Variants in ARHGEF3 observed in about 807,000 individuals in gnomAD.
ARHGEF3 encodes Rho guanine nucleotide exchange factor 3.
A neutral mutation model predicts 63.2 loss-of-function variants in ARHGEF3; 28 were observed. The ratio of observed to expected loss-of-function variants is 0.44; its 90% CI spans 0.33 to 0.61. ARHGEF3 has a LOEUF of 0.61. ARHGEF3 is among the 20% of genes least tolerant of loss of function. The pLI is 0.03. For synonymous variants in ARHGEF3, 266 were observed against 254.2 expected (o/e 1.05, Z -0.44); for missense variants, 533 against 659.3 (o/e 0.81, Z 2.10).
chr3:56,863,288 C>T (rs944674006), intron 4 of ARHGEF3, among the ~76,000 whole-genome samples: 14 of 150,788 alleles, frequency 9.3e-5, no homozygotes, highest in African/African-American at 2.7e-4. Context: ...AGGTGTGTGC[C>T]ACCACACCCA....
chr3:56,797,091 G>A, intron 1 of ARHGEF3, among the ~76,000 whole-genome samples: 1 of 152,036 alleles, frequency 6.6e-6, no homozygotes. Context: ...CATCTCGTTT[G>A]ACCCTCACTA....
chr3:57,061,389 C>T (rs1351506750), intron 1 of ARHGEF3, among the ~76,000 whole-genome samples: 1 of 152,158 alleles, frequency 6.6e-6, no homozygotes, highest in Non-Finnish European at 1.5e-5. Flanking sequence ...CCTCAAACTC[C>T]TGGGCTCAAG....
At chr3:56,980,180 G>C (rs1471254534) in intron 2 of ARHGEF3, among the ~76,000 whole-genome samples, 1 of 152,220 alleles carries the variant, frequency 6.6e-6, no homozygotes, top group African/African-American at 2.4e-5. Flanking sequence ...TAAGGCAGTA[G>C]CAAGAAGACT....
chr3:56,905,997 T>C (rs1447675866), intron 3 of ARHGEF3, among the ~76,000 whole-genome samples: 1 of 152,114 alleles, frequency 6.6e-6, no homozygotes, highest in Non-Finnish European at 1.5e-5. Context: ...CCCGAGTAGC[T>C]GGGATTACAG....
At chr3:56,802,197 C>T (rs538300019), upstream of ARHGEF3, among the ~76,000 whole-genome samples, 1 of 152,322 alleles carries the variant, frequency 6.6e-6, no homozygotes, top group Non-Finnish European at 1.5e-5. Flanking sequence ...AGGCAGACCC[C>T]ATGATAGCTC....
At chr3:56,806,479 A>G (rs1578565384), upstream of ARHGEF3, among the ~76,000 whole-genome samples, 1 of 152,380 alleles carries the variant, frequency 6.6e-6, no homozygotes, top group African/African-American at 2.4e-5. Context: ...CCTTCGGCAT[A>G]GCCCGTTATA....
At chr3:56,838,390 C>A (rs2039192513) in intron 4 of ARHGEF3, among the ~76,000 whole-genome samples, 1 of 152,172 alleles carries the variant, frequency 6.6e-6, no homozygotes, top group Non-Finnish European at 1.5e-5. Flanking sequence ...AAATACGATT[C>A]TATCACTTAA....
At chr3:57,034,101 C>T (rs6445845) in intron 2 of ARHGEF3, among the ~76,000 whole-genome samples, 149,437 of 152,074 alleles carry the variant, frequency 0.98, 73,470 homozygotes, top group East Asian at 1. Context: ...TGACATTACA[C>T]TAAAAGTTTT....
intron 1 of ARHGEF3, chr3:56,774,925 A>G: frequency 8.8e-7 from 1 of 1,141,798 alleles, no homozygotes; most frequent in Non-Finnish European, 1.2e-6. Context: ...AACAACAACA[A>G]CAAAAAAAAA....
chr3:56,814,149 T>C (rs1559962665), intron 4 of ARHGEF3, among the ~76,000 whole-genome samples: 2 of 152,236 alleles, frequency 1.3e-5, no homozygotes. Context: ...TACTCAACAC[T>C]CTGTCCTTCT....
chr3:56,824,385 G>T (rs1043010528), intron 4 of ARHGEF3, among the ~76,000 whole-genome samples: 1 of 152,086 alleles, frequency 6.6e-6, no homozygotes, highest in South Asian at 2.1e-4. Flanking sequence ...AGGCTTTTTT[G>T]ATCACAATTA....
At position 56,815,306 on chromosome 3, in the gene ARHGEF3, T is replaced by C. The variant is rs898937926; in HGVS notation, c.193-41490A>G. 5.4e-4 allele frequency among the ~76,000 whole-genome samples: 82 copies of C among 152,196 alleles called. 1 individual carries two copies. Among genetic ancestry groups the C allele is most frequent in the Non-Finnish European group, 1.9e-4 (13 of 68,044 alleles). Reference sequence around the variant, plus strand: ...AAATGTGTATGCTTCTGTGATTCTATTAAACAGCAAAGACTGAAGTGTATA... The same window carrying C: ...AAATGTGTATGCTTCTGTGATTCTACTAAACAGCAAAGACTGAAGTGTATA... On this transcript the variant is annotated intron_variant, in intron 4 of 12. Coordinates refer to the ARHGEF3 transcript ENST00000338458.
At chr3:56,975,276 AG>A (rs1394134783) in intron 2 of ARHGEF3, among the ~76,000 whole-genome samples, 1 of 151,816 alleles carries the variant, frequency 6.6e-6, no homozygotes, top group Non-Finnish European at 1.5e-5. Context: ...AAATTAGCCG[AG>A]CGTGGTGGTG....
intron 2 of ARHGEF3, among the ~76,000 whole-genome samples, chr3:57,023,490 G>C (rs902254133): frequency 3.9e-5 from 6 of 152,170 alleles, no homozygotes; most frequent in African/African-American, 1.4e-4. Context: ...TCAAAATGCA[G>C]ATTTAATCAG....
At chr3:56,953,765 G>A (rs775162313) in intron 3 of ARHGEF3, among the ~76,000 whole-genome samples, 21 of 152,158 alleles carry the variant, frequency 1.4e-4, no homozygotes, top group Non-Finnish European at 2.9e-4. Flanking sequence ...GGAAATGTGT[G>A]GCCATTTATG....
chr3:56,956,976 T>A (rs967188771), intron 3 of ARHGEF3, among the ~76,000 whole-genome samples: 2 of 152,172 alleles, frequency 1.3e-5, no homozygotes, highest in Admixed American at 6.5e-5. Context: ...TCCACGTACA[T>A]CAACACTTCA....
chr3:56,790,456 C>T (rs1187417161), intron 1 of ARHGEF3, among the ~76,000 whole-genome samples: 1 of 152,186 alleles, frequency 6.6e-6, no homozygotes, highest in Non-Finnish European at 1.5e-5. Context: ...CTGACTCCTT[C>T]TGCAAGATCA....
chr3:56,832,546 T>G (rs1221670534), intron 4 of ARHGEF3, among the ~76,000 whole-genome samples: 6 of 152,238 alleles, frequency 3.9e-5, no homozygotes, highest in Non-Finnish European at 5.9e-5. Context: ...TATCATGGAA[T>G]AGATATATAT....
At chr3:56,936,434 A>C (rs746907505) in intron 3 of ARHGEF3, among the ~76,000 whole-genome samples, 7 of 152,166 alleles carry the variant, frequency 4.6e-5, no homozygotes, top group Admixed American at 2.6e-4. Context: ...ATTCACCAAA[A>C]TATGACAGCA....
Sources: gnomAD v4.1 joint callset for allele counts (sites outside exome capture counted in the v4.1 genomes callset) on GRCh38, gnomAD v4.1.1 for gene constraint, MANE v1.5 for transcripts, NCBI Gene and HGNC (gene_info 2026-07-23, HGNC 2026-07-21) for gene names.